THADA: variants seen among roughly 807,000 people sequenced by gnomAD.
The protein encoded by THADA is THADA armadillo repeat containing, also known as tRNA (32-2'-O)-methyltransferase regulator THADA.
THADA carries 213 observed loss-of-function variants against 219.8 expected under a neutral mutation model. The ratio of observed to expected loss-of-function variants is 0.97; its 90% CI spans 0.87 to 1.09. The LOEUF is 1.09. Among genes scored for constraint, THADA ranks in the 50% least tolerant of loss-of-function variants. THADA has a pLI of 0.00. For missense variants in THADA, 2,956 were observed against 2,311.3 expected, an observed-to-expected ratio of 1.28 and a Z score of -5.72; for synonymous variants, 1,018 against 828.9, an observed-to-expected ratio of 1.23 and a Z score of -3.92.
chr2:43,433,217 A>G lies in THADA; in HGVS notation c.3837-2915T>C, dbSNP rs571872547. On this transcript the variant is annotated intron_variant, in intron 26 of 37. Coordinates refer to ENST00000405975, the MANE Select transcript of THADA (RefSeq NM_022065.5). The stretch of plus-strand genomic sequence containing the variant: ...AATCGGGAGATTTTTTTTGGAAAAA[A>G]AAAATGATATGCCTTAAAAAGGAGA... Among the ~76,000 whole-genome samples the G allele has an allele frequency of 3.3e-5, 5 of 152,016 alleles. No homozygotes were observed. The South Asian group carries it at 1.0e-3, about 32-fold the overall frequency.
At chr2:43,472,471 C>T (rs760124529) in intron 26 of THADA, among the ~76,000 whole-genome samples, 2 of 152,110 alleles carry the variant, frequency 1.3e-5, no homozygotes, top group East Asian at 3.9e-4. Flanking sequence ...TTGAAAGAAC[C>T]TCTTTTATTT....
intron 35 of THADA, among the ~76,000 whole-genome samples, chr2:43,280,201 A>C (rs770899202): frequency 2.6e-5 from 4 of 152,174 alleles, no homozygotes; most frequent in Non-Finnish European, 5.9e-5. Context: ...CTGCTCTCCT[A>C]GTTGAGTCCT....
chr2:43,457,766 A>C (rs1683193297), intron 26 of THADA, among the ~76,000 whole-genome samples: 1 of 152,104 alleles, frequency 6.6e-6, no homozygotes, highest in African/African-American at 2.4e-5. Flanking sequence ...TTTTTGCTTC[A>C]CTTTTTTCTC....
At chr2:43,551,448 C>G (rs1482709162) in intron 19 of THADA, among the ~76,000 whole-genome samples, 2 of 152,044 alleles carry the variant, frequency 1.3e-5, no homozygotes, top group South Asian at 2.1e-4. Context: ...TTTTGAGCAT[C>G]CCATTGGTGT....
chr2:43,559,966 A>C (rs912051618), intron 16 of THADA, among the ~76,000 whole-genome samples: 1 of 152,238 alleles, frequency 6.6e-6, no homozygotes, highest in Admixed American at 6.5e-5. Flanking sequence ...TCTTGTAAAC[A>C]ATAAAACCTA....
chr2:43,489,059 T>G (rs1238369226), intron 25 of THADA, among the ~76,000 whole-genome samples: 1 of 152,226 alleles, frequency 6.6e-6, no homozygotes, highest in Non-Finnish European at 1.5e-5. Flanking sequence ...CACTCCACTC[T>G]TATCAGATGT....
rs1172783188 is a variant in THADA, at chr2:43,473,605, C to T, written c.3836+11629G>A. Among the ~76,000 whole-genome samples the T allele has an allele frequency of 2.0e-5, 3 of 151,972 alleles. No homozygotes were observed. The South Asian group carries it at 6.2e-4, about 31-fold the overall frequency. ...CAAGTATCACATTATGGTACATAAT[C>T]GTACATGTTAGGCTTTTTTTTTTGA... On this transcript the variant is annotated intron_variant, in intron 26 of 37. Coordinates refer to ENST00000405975, the MANE Select transcript of THADA (RefSeq NM_022065.5).
intron 26 of THADA, among the ~76,000 whole-genome samples, chr2:43,466,194 T>G (rs1249032678): frequency 6.6e-6 from 1 of 152,206 alleles, no homozygotes; most frequent in African/African-American, 2.4e-5. Context: ...TTAAAAGGAT[T>G]CCATGATTCA....
intron 9 of THADA, among the ~76,000 whole-genome samples, chr2:43,577,949 G>C (rs1172952494): frequency 2.0e-5 from 3 of 151,878 alleles, no homozygotes; most frequent in Non-Finnish European, 4.4e-5. Context: ...GCACTAAAAA[G>C]AAACTAAAAG....
At chr2:43,322,989 T>C (rs1365533221) in intron 30 of THADA, among the ~76,000 whole-genome samples, 2 of 152,162 alleles carry the variant, frequency 1.3e-5, no homozygotes, top group African/African-American at 4.8e-5. Flanking sequence ...CCAGGCTCTA[T>C]TCTTTTATAA....
Position 43,577,034 on chromosome 2 carries a change from G to C in THADA, c.1025C>G (p.Thr342Ser). The change falls in exon 10 of 38, where the codon ACC (threonine) becomes AGC (serine). Residue 342 changes from threonine (T) to serine (S), a missense_variant. Coordinates refer to ENST00000405975, the MANE Select transcript of THADA (RefSeq NM_022065.5). ...LLLDTAHVLF[T>S]LSSQIKEPTL... is the part of the protein sequence containing the mutation. ...CATCAAAACTCACTGTGAACTCAAG[G>C]TGAACAAAACATGTGCAGTATCCAA... The C allele has an allele frequency of 6.2e-7, 1 of 1,612,598 alleles. No homozygotes were observed. Among genetic ancestry groups the C allele is most frequent in the Non-Finnish European group, 8.5e-7 (1 of 1,179,338 alleles).
intron 26 of THADA, among the ~76,000 whole-genome samples, chr2:43,476,204 T>C (rs1333239331): frequency 6.6e-6 from 1 of 151,934 alleles, no homozygotes; most frequent in Non-Finnish European, 1.5e-5. Context: ...GTGTAGAGTG[T>C]GGAGGTGGGA....
At chr2:43,446,072 A>G (rs1558773118) in intron 26 of THADA, among the ~76,000 whole-genome samples, 1 of 152,212 alleles carries the variant, frequency 6.6e-6, no homozygotes, top group Non-Finnish European at 1.5e-5. Context: ...AATCTCTTGA[A>G]TTCTTCATGT....
intron 29 of THADA, among the ~76,000 whole-genome samples, chr2:43,384,258 C>T: frequency 6.6e-6 from 1 of 152,168 alleles, no homozygotes. Context: ...ATCTTCAAGA[C>T]ACATTTACTG....
At chr2:43,326,028 A>AT (rs955033232) in intron 30 of THADA, among the ~76,000 whole-genome samples, 48 of 152,294 alleles carry the variant, frequency 3.2e-4, no homozygotes, top group African/African-American at 1.1e-3. Flanking sequence ...TCTCTGTTGC[A>AT]TTTTTGGCAA....
chr2:43,333,580 A>G (rs1313752324), intron 30 of THADA, among the ~76,000 whole-genome samples: 1 of 152,114 alleles, frequency 6.6e-6, no homozygotes, highest in Non-Finnish European at 1.5e-5. Flanking sequence ...AAAGAAACAA[A>G]CCAAAAGGCA....
In THADA at chr2:43,549,205, G is replaced by A. The variant is rs748885390; in HGVS notation, c.3106+5C>T. 6.4e-7 allele frequency: 1 copy of A among 1,557,014 alleles called. No individual in the cohort carries two copies. Among genetic ancestry groups the A allele is most frequent in the South Asian group, 1.2e-5 (1 of 82,682 alleles). ...GAATTACAGTATCCATTTTATACAA[G>A]TTACCTTTGATTTCTGTAGAAGTAT... is the stretch of plus-strand genomic sequence containing the variant. On this transcript the variant is annotated splice_donor_5th_base_variant and intron_variant, in intron 20 of 37. Coordinates refer to ENST00000405975, the MANE Select transcript of THADA (RefSeq NM_022065.5).
chr2:43,549,360 T>C lies in THADA; in HGVS notation c.2956A>G (p.Ser986Gly), dbSNP rs774639275. 8 of 1,602,006 alleles carry C rather than the reference T, an allele frequency of 5.0e-6. No homozygotes were observed. Among genetic ancestry groups the C allele is most frequent in the Admixed American group, 1.7e-5 (1 of 57,506 alleles). ...IPMDTDSESA[S>G]RLQMILNEIQ... Reference sequence around the variant, plus strand: ...TCATTCAGAATCATCTGTAAGCGGCTTGCTGACTCTGAGGGAAAGAAATGA... The same window carrying C: ...TCATTCAGAATCATCTGTAAGCGGCCTGCTGACTCTGAGGGAAAGAAATGA... Residue 986 changes from serine (S) to glycine (G), a missense_variant, in exon 20 of 38, where the codon AGC (serine) becomes GGC (glycine). Ser to Gly is a moderately conservative substitution (Grantham distance 56, BLOSUM62 0). Coordinates refer to ENST00000405975, the MANE Select transcript of THADA (RefSeq NM_022065.5).
Position 43,231,277 on chromosome 2 carries a change from T to G in THADA, c.5533A>C (p.Lys1845Gln), listed in dbSNP as rs780755446. 3.1e-6 allele frequency: 5 copies of G among 1,605,234 alleles called. No homozygotes were observed. The African/African-American group carries it at 6.7e-5, about 22-fold the overall frequency. ...CAGAAGAGGTGCTTGCAGAGGTATTTCACAAAGATCAGGGTCTCGGCCCAA... is the reference window on the plus strand; with the variant it reads ...CAGAAGAGGTGCTTGCAGAGGTATTGCACAAAGATCAGGGTCTCGGCCCAA... ...NFWAETLIFV[K>Q]YLCKHLFCLL... The change falls in exon 38 of 38, where the codon AAA becomes CAA. Residue 1845 changes from lysine (K) to glutamine (Q), a missense_variant. Lys to Gln is a moderately conservative substitution (Grantham distance 53, BLOSUM62 1). Coordinates refer to ENST00000405975, the MANE Select transcript of THADA (RefSeq NM_022065.5).
Sources: gnomAD v4.1 joint callset for allele counts (sites outside exome capture counted in the v4.1 genomes callset) on GRCh38, gnomAD v4.1.1 for gene constraint, MANE v1.5 for transcripts, NCBI Gene and HGNC (gene_info 2026-07-23, HGNC 2026-07-21) for gene names.